The following IQUB variants were observed in gnomAD, a reference collection of about 807,000 sequenced individuals.
IQUB encodes IQ motif and ubiquitin domain containing, also known as IQ motif and ubiquitin-like domain-containing protein.
IQUB carries 86 observed loss-of-function variants against 86.4 expected under a neutral mutation model. The observed-to-expected ratio is 1.00, with a 90% CI of 0.84 to 1.19. The LOEUF is 1.19. Among genes scored for constraint, IQUB ranks in the 50% most tolerant of loss-of-function variants. The pLI, the probability that IQUB is intolerant of heterozygous loss-of-function variation, is 0.00. For synonymous variants in IQUB, 289 were observed against 304.5 expected, an observed-to-expected ratio of 0.95 and a Z score of 0.53; for missense variants, 946 against 916.9, an observed-to-expected ratio of 1.03 and a Z score of -0.41.
intron 10 of IQUB, among the ~76,000 whole-genome samples, chr7:123,464,443 AAGG>A (rs1283647320): frequency 6.6e-6 from 1 of 151,930 alleles, no homozygotes; most frequent in Non-Finnish European, 1.5e-5. Context: ...AGGCCTCATG[AAGG>A]AGAAGAGATG....
chr7:123,509,457 C>A (rs1473011446), intron 3 of IQUB, among the ~76,000 whole-genome samples: 1 of 152,158 alleles, frequency 6.6e-6, no homozygotes, highest in East Asian at 1.9e-4. Flanking sequence ...CTATTTCCAG[C>A]CACTCAACAC....
At chr7:123,503,397 T>C in intron 3 of IQUB, 34 bp from the exon 4 acceptor site, 1 of 1,227,432 alleles carries the variant, frequency 8.1e-7, no homozygotes, top group Non-Finnish European at 1.1e-6. Flanking sequence ...AAAAGTTTTA[T>C]GACAAAGAAA....
intron 8 of IQUB, 146 bp downstream of exon 8, chr7:123,479,649 A>G: frequency 1.6e-6 from 1 of 638,466 alleles, no homozygotes; most frequent in East Asian, 3.0e-5. Flanking sequence ...CCAGAAAAAA[A>G]TAAATCAAAT....
intron 9 of IQUB, among the ~76,000 whole-genome samples, 161 bp downstream of exon 9, chr7:123,469,053 T>G (rs1247221152): frequency 6.6e-6 from 1 of 152,252 alleles, no homozygotes; most frequent in African/African-American, 2.4e-5. Flanking sequence ...ATGTATTATA[T>G]TTTGAGAACT....
intron 8 of IQUB, among the ~76,000 whole-genome samples, chr7:123,479,305 T>C (rs1241955886): frequency 6.6e-6 from 1 of 152,080 alleles, no homozygotes; most frequent in East Asian, 1.9e-4. Context: ...GTTTTCATGG[T>C]TTTCAATAAT....
At chr7:123,526,420 T>C (rs1332536927) in intron 1 of IQUB, among the ~76,000 whole-genome samples, 1 of 152,218 alleles carries the variant, frequency 6.6e-6, no homozygotes, top group South Asian at 2.1e-4. Context: ...GGTTAGCTCT[T>C]CTTGTTGAAT....
chr7:123,473,415 C>G (rs1794618359), intron 8 of IQUB, among the ~76,000 whole-genome samples: 1 of 152,172 alleles, frequency 6.6e-6, no homozygotes, highest in African/African-American at 2.4e-5. Flanking sequence ...ATGGCCTTGA[C>G]TCAAGGAAAA....
rs374632754 is a variant in IQUB at position 123,503,210 on chromosome 7, A to T, written c.686T>A (p.Val229Asp). 6.2e-7 allele frequency: 1 copy of T among 1,611,698 alleles called. No homozygotes were observed. The highest frequency in any genetic ancestry group is 8.5e-7 in the Non-Finnish European group (1 of 1,178,998). Reference protein sequence around the residue: ...TDVSQIITVTVQTGLDQYQQV... With the variant: ...TDVSQIITVTDQTGLDQYQQV... The stretch of plus-strand genomic sequence containing the variant: ...GACATCAAATAACGAACCAGTTTGG[A>T]CAGTGACAGTTATGATTTGAGAGAC... Residue 229 changes from valine to aspartate, a missense_variant, in exon 4 of 13, where the codon GTC (valine) becomes GAC (aspartate). Physicochemically the swap from Val to Asp is radical, Grantham distance 152 (BLOSUM62 -3). Coordinates refer to ENST00000324698, the MANE Select transcript of IQUB (RefSeq NM_178827.5).
chr7:123,532,789 C>G (rs1797597278), intron 1 of IQUB: 1 of 152,186 alleles, frequency 6.6e-6, no homozygotes, highest in Non-Finnish European at 1.5e-5. Context: ...GACACCTAAC[C>G]TCCTCCTTCT....
rs1562868504 is a variant in IQUB, at chr7:123,512,051, T to C, written c.290A>G (p.Lys97Arg). The C allele has an allele frequency of 6.2e-7, 1 of 1,614,018 alleles. No individual in the cohort carries two copies. Among genetic ancestry groups the C allele is most frequent in the African/African-American group, 1.3e-5 (1 of 75,068 alleles). ...ATTTGGCCTCTGCATTGCATATTGCTTTTCATGATGTTGCGGAGTATATGA... is the reference window on the plus strand; with the variant it reads ...ATTTGGCCTCTGCATTGCATATTGCCTTTCATGATGTTGCGGAGTATATGA... The part of the protein sequence containing the change: ...QVSYTPQHHE[K>R]QYAMQRPNDD... The change falls in exon 2 of 13, where the codon AAG (lysine) becomes AGG (arginine). Residue 97 changes from lysine (K) to arginine (R), a missense_variant. Transcript: ENST00000324698.
chr7:123,503,035 T>G lies in IQUB; in HGVS notation c.776A>C (p.Lys259Thr). Residue 259 changes from lysine to threonine, a missense_variant, in exon 5 of 13, where the codon AAA (lysine) becomes ACA (threonine). Lys to Thr is a moderately conservative substitution (Grantham distance 78). Coordinates refer to ENST00000324698, the MANE Select transcript of IQUB (RefSeq NM_178827.5). ...HKPFLGGFRHKVTGVEYHNAG... is the reference protein window; with the variant it reads ...HKPFLGGFRHTVTGVEYHNAG... ...ATTGTGATACTCTACTCCTGTTACT[T>G]TATGTCTGAATCCACCAAGAAATGG... 1 of 1,613,200 alleles carries G rather than the reference T, an allele frequency of 6.2e-7. No individual in the cohort carries two copies.
intron 8 of IQUB, among the ~76,000 whole-genome samples, chr7:123,476,572 T>G (rs1283538355): frequency 5.9e-5 from 9 of 151,890 alleles, no homozygotes; most frequent in Non-Finnish European, 1.3e-4. Context: ...GAGGCCACTT[T>G]GGCAGTGATA....
intron 1 of IQUB, among the ~76,000 whole-genome samples, chr7:123,520,136 C>A (rs1007629306): frequency 6.6e-6 from 1 of 152,186 alleles, no homozygotes; most frequent in Admixed American, 6.5e-5. Flanking sequence ...ATTGGACACA[C>A]GTGATTATTT....
At chr7:123,492,375 C>G (rs991816153) in intron 7 of IQUB, among the ~76,000 whole-genome samples, 1 of 152,130 alleles carries the variant, frequency 6.6e-6, no homozygotes, top group Non-Finnish European at 1.5e-5. Flanking sequence ...AAATTTATTT[C>G]AAACTGGATG....
intron 3 of IQUB, among the ~76,000 whole-genome samples, chr7:123,505,924 T>G (rs150112415): frequency 5.3e-5 from 8 of 152,318 alleles, no homozygotes; most frequent in African/African-American, 1.9e-4. Flanking sequence ...ACGTTCCAGT[T>G]TCAGATCATC....
At chr7:123,461,736 A>G (rs1489542909) in intron 10 of IQUB, 131 bp from the exon 11 acceptor site, 7 of 764,776 alleles carry the variant, frequency 9.2e-6, no homozygotes, top group East Asian at 2.9e-5. Flanking sequence ...AAAGTTGGCT[A>G]ATTTCTAAAA....
intron 7 of IQUB, among the ~76,000 whole-genome samples, chr7:123,487,953 C>T (rs1264727380): frequency 6.6e-6 from 1 of 151,994 alleles, no homozygotes; most frequent in Non-Finnish European, 1.5e-5. Flanking sequence ...AACCAATTAC[C>T]AGCAGTAACT....
At chr7:123,510,433 A>G (rs1796366988) in intron 2 of IQUB, among the ~76,000 whole-genome samples, 1 of 152,140 alleles carries the variant, frequency 6.6e-6, no homozygotes, top group Non-Finnish European at 1.5e-5. Flanking sequence ...ACAAAGAGGG[A>G]CATTATATGG....
chr7:123,468,374 C>A lies in IQUB; in HGVS notation c.1581+840G>T, dbSNP rs185150719. ...CCTATCTAAATCCAGAGGAGCTAAT[C>A]CTGAAACCTACAACATGAAGTGGAT... On this transcript the variant is annotated intron_variant, in intron 9 of 12. Coordinates refer to ENST00000324698, the MANE Select transcript of IQUB (RefSeq NM_178827.5). 5.9e-5 allele frequency among the ~76,000 whole-genome samples: 9 copies of A among 152,308 alleles called. No individual in the cohort carries two copies. In the East Asian group the frequency reaches 1.5e-3, roughly 26 times the overall value.
Sources: allele counts gnomAD v4.1 joint callset (sites outside exome capture counted in the v4.1 genomes callset), GRCh38; gene constraint gnomAD v4.1.1; transcripts MANE v1.5; gene names NCBI Gene and HGNC (gene_info 2026-07-23, HGNC 2026-07-21).